The following ADAMTS7 variants were observed in gnomAD, a reference collection of about 807,000 sequenced individuals.
The protein encoded by ADAMTS7 is ADAM metallopeptidase with thrombospondin type 1 motif 7, also known as A disintegrin and metalloproteinase with thrombospondin motifs 7.
In ADAMTS7, 89 loss-of-function variants were observed where a neutral mutation model predicts 172.6. The ratio of observed to expected loss-of-function variants is 0.52; its 90% CI spans 0.43 to 0.61. ADAMTS7 has a LOEUF of 0.61. Among genes scored for constraint, ADAMTS7 ranks in the 20% least tolerant of loss-of-function variants. The probability of loss-of-function intolerance (pLI) is 0.00; values close to 1 mark genes in which losing one functional copy is unlikely to be tolerated. For synonymous variants in ADAMTS7, 885 were observed against 978.4 expected (o/e 0.90, Z 1.78); for missense variants, 1,973 against 2,355.6 (o/e 0.84, Z 3.36).
At chr15:78,788,903 A>G (rs1285506297) in intron 7 of ADAMTS7, among the ~76,000 whole-genome samples, 1 of 152,218 alleles carries the variant, frequency 6.6e-6, no homozygotes, top group Non-Finnish European at 1.5e-5. Flanking sequence ...ACTTTCAGAA[A>G]CACAATCTCA....
Position 78,792,142 on chromosome 15 carries a change from G to A in ADAMTS7, c.820-919C>T, listed in dbSNP as rs186131693. On this transcript the variant is annotated intron_variant, in intron 4 of 23. Transcript: ENST00000388820. ...GGGCACCAAAGTCCCTGATTATGGG[G>A]ATGAATGACACTCTCAGAACCCAAG... is the stretch of plus-strand genomic sequence containing the variant. 3.3e-5 allele frequency among the ~76,000 whole-genome samples: 5 copies of A among 152,306 alleles called. No homozygotes were observed. In the East Asian group the frequency reaches 9.6e-4, roughly 29 times the overall value.
At position 78,777,053 on chromosome 15, in the gene ADAMTS7, C is replaced by T. The variant is rs188893770; in HGVS notation, c.1468-212G>A. 209 of 581,408 alleles carry T rather than the reference C, an allele frequency of 3.6e-4. 1 individual carries two copies. The highest frequency in any genetic ancestry group is 3.4e-3 in the African/African-American group (181 of 53,708). 36.0% of individuals were successfully genotyped at this position (581,408 alleles called of 1,614,324 possible). On this transcript the variant is annotated intron_variant, in intron 9 of 23. Transcript: ENST00000388820. ...GCGCCCGGGGCTGCGCTGCTCAGAG[C>T]GGTCCCCAGCTGTCCACACCTCTCC...
chr15:78,782,887 G>A lies in ADAMTS7; in HGVS notation c.1323-5299C>T, dbSNP rs568450198. ...TGATGGCCACCTGCCACCCAGCAGA[G>A]GGCCGGGGATCACTCCCTGGGGAGG... On this transcript the variant is annotated intron_variant, in intron 8 of 23. Transcript: ENST00000388820. Among the ~76,000 whole-genome samples, 543 of 152,134 alleles carry A rather than the reference G, an allele frequency of 3.6e-3. 1 individual carries two copies. The highest frequency in any genetic ancestry group is 5.7e-3 in the Non-Finnish European group (385 of 68,016).
rs1486596657 is a variant in ADAMTS7, at chr15:78,771,116, G to C, written c.2518+46C>G. 1.3e-6 allele frequency: 2 copies of C among 1,544,966 alleles called. No individual in the cohort carries two copies. Among genetic ancestry groups the C allele is most frequent in the Admixed American group, 1.9e-5 (1 of 52,396 alleles). On this transcript the variant is annotated intron_variant, in intron 16 of 23. Coordinates refer to ENST00000388820, the MANE Select transcript of ADAMTS7 (RefSeq NM_014272.5). This position sits in a 1 kb window ranked among gnomAD's most constrained non-coding sequence, Gnocchi z 4.9. ...GAGCTGAAGCCAGTGTCCCTGTCCA[G>C]ACACTAAGCCCCTGCAGGTGGGGCT...
intron 12 of ADAMTS7, 116 bp from the exon 13 acceptor site, chr15:78,774,416 C>A (rs890516146): frequency 1.2e-5 from 17 of 1,414,796 alleles, no homozygotes; most frequent in Non-Finnish European, 1.4e-5. Flanking sequence ...CAAGCAGCAC[C>A]AACATGCTGG....
In ADAMTS7 at chr15:78,774,511, T is replaced by G. The variant is rs535086073; in HGVS notation, c.1876+113A>C. The G allele has an allele frequency of 1.7e-5, 26 of 1,515,784 alleles. No individual in the cohort carries two copies. The African/African-American group carries it at 3.6e-4, about 21-fold the overall frequency. 93.9% of individuals were successfully genotyped at this position (1,515,784 alleles called of 1,614,324 possible). On this transcript the variant is annotated intron_variant, in intron 12 of 23. Transcript: ENST00000388820. The stretch of plus-strand genomic sequence containing the variant: ...CAGCAGCCCCAGGGGACAGTGGGAG[T>G]GGCCCAGGCTTGGGGTGAAGACTGG...
chr15:78,787,839 C>G (rs2055524822), intron 8 of ADAMTS7, among the ~76,000 whole-genome samples: 1 of 152,202 alleles, frequency 6.6e-6, no homozygotes, highest in Non-Finnish European at 1.5e-5. Context: ...CCTTTGCTCC[C>G]ATAGCCTTGC....
chr15:78,804,537 C>T (rs2055764768), intron 1 of ADAMTS7, among the ~76,000 whole-genome samples: 1 of 152,216 alleles, frequency 6.6e-6, no homozygotes, highest in African/African-American at 2.4e-5. Context: ...CTGCTGCTGC[C>T]CAGCCCGAAG....
In ADAMTS7 at chr15:78,796,771, T is replaced by C. The variant is rs746665334; in HGVS notation, c.638A>G (p.Glu213Gly). Residue 213 changes from glutamate to glycine, a missense_variant, in exon 4 of 24, where the codon GAG (glutamate) becomes GGG (glycine). By Grantham distance (98) the Glu-to-Gly change is moderately conservative. Around this residue, in one of 8 missense-constraint regions of ADAMTS7, gnomAD observed 526 missense variants for 662.9 expected, o/e 0.79. Coordinates refer to ENST00000388820, the MANE Select transcript of ADAMTS7 (RefSeq NM_014272.5). The part of the protein sequence containing the change: ...TCGVQVYPEL[E>G]SRRERWEQRQ... ...CTGCTCCCAACGCTCCCGTCGAGAC[T>C]CCAGCTCTGGGTACACTGGAGGCCC... The C allele has an allele frequency of 8.7e-6, 14 of 1,609,710 alleles. No homozygotes were observed. Among genetic ancestry groups the C allele is most frequent in the Non-Finnish European group, 2.5e-6 (3 of 1,179,554 alleles).
rs777720723 is a variant in ADAMTS7, at chr15:78,800,198, G to A, written c.450C>T (p.Asp150=). ...CATGTCCCAGCTCACTCACCAGGCC[G>A]TCGCAGGCGCTGATGGCCGCCAGGC... is the stretch of plus-strand genomic sequence containing the variant. The part of the protein sequence containing the change: ...EGGLAAISAC[D]GLKGVFQLSN... The change falls in exon 2 of 24, where the codon GAC becomes GAT. Residue 150 remains aspartate, a synonymous_variant. Coordinates refer to ENST00000388820, the MANE Select transcript of ADAMTS7 (RefSeq NM_014272.5). 3.1e-6 allele frequency: 5 copies of A among 1,592,752 alleles called. No individual in the cohort carries two copies. Among genetic ancestry groups the A allele is most frequent in the Non-Finnish European group, 3.4e-6 (4 of 1,178,040 alleles).
chr15:78,769,904 G>A (rs1241514089), intron 16 of ADAMTS7, among the ~76,000 whole-genome samples: 3 of 152,238 alleles, frequency 2.0e-5, no homozygotes, highest in Admixed American at 6.5e-5. Flanking sequence ...GCTCACACCT[G>A]TAATCCCAGC....
chr15:78,771,773 C>A lies in ADAMTS7; in HGVS notation c.2188G>T (p.Val730Phe). 8 of 1,612,796 alleles carry A rather than the reference C, an allele frequency of 5.0e-6. No individual in the cohort carries two copies. The highest frequency in any genetic ancestry group is 5.9e-6 in the Non-Finnish European group (7 of 1,180,014). The change falls in exon 15 of 24, where the codon GTT becomes TTT. Residue 730 changes from valine to phenylalanine, a missense_variant. By Grantham distance (50) the Val-to-Phe change is conservative. This residue lies in a region of ADAMTS7 where 771 missense variants were observed against 952.6 expected (regional missense o/e 0.81). Transcript: ENST00000388820. This position sits in a 1 kb window ranked among gnomAD's most constrained non-coding sequence, Gnocchi z 4.9. ...AGAREIRIQE[V>F]AEAANFLALR... ...GCCAGGAAGTTGGCAGCCTCGGCAA[C>A]CTCTTGGATGCGGATCTCGCGTGCG... is the stretch of plus-strand genomic sequence containing the variant.
chr15:78,766,190 G>A lies in ADAMTS7; in HGVS notation c.3721C>T (p.Pro1241Ser). The change falls in exon 19 of 24, where the codon CCC becomes TCC. Residue 1241 changes from proline to serine, a missense_variant. Pro to Ser is a moderately conservative substitution (Grantham distance 74). This residue lies in a region of ADAMTS7 where 771 missense variants were observed against 952.6 expected (regional missense o/e 0.81). Transcript: ENST00000388820. The stretch of plus-strand genomic sequence containing the variant: ...GTGCTGCCAACAGGGGACAAAGGGG[G>A]CAGCGTGGAGCTGGGTCTCGGGGGC... ...HLPPRPSSTLPPLSPVGSTHS... is the reference protein window; with the variant it reads ...HLPPRPSSTLSPLSPVGSTHS... 6.2e-7 allele frequency: 1 copy of A among 1,611,898 alleles called. No individual in the cohort carries two copies. Among genetic ancestry groups the A allele is most frequent in the South Asian group, 1.1e-5 (1 of 91,018 alleles).
intron 7 of ADAMTS7, among the ~76,000 whole-genome samples, chr15:78,789,308 A>G (rs1484298184): frequency 6.6e-6 from 1 of 152,250 alleles, no homozygotes; most frequent in Non-Finnish European, 1.5e-5. Context: ...AGGCCCAGAG[A>G]GGGCAGGCAC....
At chr15:78,794,469 G>A (rs1196402317) in intron 4 of ADAMTS7, among the ~76,000 whole-genome samples, 1 of 152,186 alleles carries the variant, frequency 6.6e-6, no homozygotes, top group Non-Finnish European at 1.5e-5. Context: ...GCTCATAGGT[G>A]CCCCCATCCT....
rs557515759 is a variant in ADAMTS7 at position 78,789,522 on chromosome 15, T to C, written c.1178+167A>G. On this transcript the variant is annotated intron_variant, in intron 7 of 23. Transcript: ENST00000388820. ...CCTGCTTTACAGGGAAGCAGCCTGG[T>C]TGTGGGGAGGGGACAGTGCAGGGGC... Among the ~76,000 whole-genome samples the C allele has an allele frequency of 2.6e-5, 4 of 152,294 alleles. No individual in the cohort carries two copies. The East Asian group carries it at 7.7e-4, about 29-fold the overall frequency.
Position 78,768,274 on chromosome 15 carries a change from G to A in ADAMTS7, c.2519-15C>T. 6.2e-7 allele frequency: 1 copy of A among 1,610,204 alleles called. No homozygotes were observed. Among genetic ancestry groups the A allele is most frequent in the Non-Finnish European group, 8.5e-7 (1 of 1,179,360 alleles). On this transcript the variant is annotated splice_polypyrimidine_tract_variant and intron_variant, in intron 16 of 23. Transcript: ENST00000388820. ...CCTCTGCACACCTAGGGGCCACGGG[G>A]CTCAGCCTGGGACTGGCACCCAGGT...
chr15:78,767,097 G>A, intron 18 of ADAMTS7, 46 bp from the exon 19 acceptor site: 1 of 1,506,522 alleles, frequency 6.6e-7, no homozygotes, highest in East Asian at 2.3e-5. Flanking sequence ...GAGGCAGGCT[G>A]CCAGGGGACG....
At position 78,776,727 on chromosome 15, in the gene ADAMTS7, C is replaced by T. The variant is rs369186326; in HGVS notation, c.1560+22G>A. ...GTCTGGCCTCTCACACACCCACTGC[C>T]GGGACTGGGGACATCCCCTACCTTA... On this transcript the variant is annotated intron_variant, in intron 10 of 23. Transcript: ENST00000388820. 88 of 1,543,010 alleles carry T rather than the reference C, an allele frequency of 5.7e-5. 1 individual carries two copies. In the African/African-American group the frequency reaches 9.3e-4, roughly 16 times the overall value.
Sources: gnomAD v4.1 joint callset for allele counts (sites outside exome capture counted in the v4.1 genomes callset) on GRCh38, gnomAD v4.1.1 for gene constraint, gnomAD v4.1.1 regional missense constraint, Gnocchi (gnomAD v3.1) non-coding constraint, MANE v1.5 for transcripts, NCBI Gene and HGNC (gene_info 2026-07-23, HGNC 2026-07-21) for gene names.